Variants in PTCH1 observed in about 807,000 individuals in gnomAD.
PTCH1 encodes protein patched homolog 1.
In PTCH1, 14 loss-of-function variants were observed where a neutral mutation model predicts 144.6. The observed-to-expected ratio is 0.10, with a 90% CI of 0.06 to 0.15. The LOEUF (loss-of-function observed/expected upper bound fraction) is 0.15, where lower values mean the gene tolerates loss of function less well. PTCH1 is among the 10% of genes least tolerant of loss of function. The pLI, the probability that PTCH1 is intolerant of heterozygous loss-of-function variation, is 1.00. For missense variants in PTCH1, 1,623 were observed against 1,948.3 expected, an observed-to-expected ratio of 0.83 and a Z score of 3.14; for synonymous variants, 833 against 793.6, an observed-to-expected ratio of 1.05 and a Z score of -0.83.
rs138458710 is a variant in PTCH1 at position 95,458,051 on chromosome 9, C to A, written c.3130G>T (p.Ala1044Ser). 23 of 1,614,140 alleles carry A rather than the reference C, an allele frequency of 1.4e-5. No individual in the cohort carries two copies. Among genetic ancestry groups the A allele is most frequent in the Non-Finnish European group, 1.9e-5 (22 of 1,180,036 alleles). Residue 1044 changes from alanine to serine, a missense_variant, in exon 18 of 24, where the codon GCT becomes TCT. By Grantham distance (99) the Ala-to-Ser change is moderately conservative. Transcript: ENST00000331920. The surrounding 1 kb of genome is among the most constrained non-coding windows in gnomAD (Gnocchi z 4.7). ...GTCCAGGGGTTCAGAAGGAAGACAG[C>A]GCACACGAGGAATGTGCAGGCCAAC... is the stretch of plus-strand genomic sequence containing the variant. Reference protein sequence around the residue: ...VVLACTFLVCAVFLLNPWTAG... With the variant: ...VVLACTFLVCSVFLLNPWTAG...
At chr9:95,488,439 T>C (rs1842143397) in intron 2 of PTCH1, among the ~76,000 whole-genome samples, 1 of 152,240 alleles carries the variant, frequency 6.6e-6, no homozygotes. Flanking sequence ...TACTATTAAA[T>C]GCAATTCACT....
At chr9:95,480,722 A>G (rs1841473111) in intron 5 of PTCH1, 134 bp from the exon 6 acceptor site, 1 of 873,214 alleles carries the variant, frequency 1.1e-6, no homozygotes, top group Admixed American at 2.0e-5. Context: ...TCTGGCATCA[A>G]AACAAATGCT....
chr9:95,466,503 G>C (rs1004969787), intron 15 of PTCH1, among the ~76,000 whole-genome samples: 2 of 152,168 alleles, frequency 1.3e-5, no homozygotes, highest in Admixed American at 6.5e-5. Context: ...AGGTTCATCA[G>C]CTGTAACAAA....
intron 15 of PTCH1, 59 bp from the exon 16 acceptor site, chr9:95,462,057 T>C: frequency 2.5e-6 from 4 of 1,606,678 alleles, no homozygotes; most frequent in Admixed American, 1.7e-5. Context: ...ACCCTGGTCC[T>C]AGCGGGGTGG....
At chr9:95,513,755 TTAA>T (rs1299232825), upstream of PTCH1, among the ~76,000 whole-genome samples, 2 of 152,030 alleles carry the variant, frequency 1.3e-5, no homozygotes, top group Non-Finnish European at 2.9e-5. Context: ...GCTACAAAAT[TTAA>T]AACTACTGGG....
intron 2 of PTCH1, 154 bp downstream of exon 2, chr9:95,506,226 GCGGCCTTTGTCGGGCGGGCCTGGCTCC>G (rs1843615016): frequency 1.5e-6 from 1 of 652,480 alleles, no homozygotes; most frequent in Non-Finnish European, 2.5e-6. Flanking sequence ...AGATTACAGC[GCGGCCTTTGTCGGGCGGGCCTGGCTCC>G]CGGCCAGGCG....
chr9:95,470,939 T>A (rs1370371196), intron 12 of PTCH1, among the ~76,000 whole-genome samples: 1 of 151,980 alleles, frequency 6.6e-6, no homozygotes, highest in Non-Finnish European at 1.5e-5. Flanking sequence ...AAAAATTAGT[T>A]GAGTGTGGTG....
rs1238056052 is a variant in PTCH1 at position 95,445,061 on chromosome 9, C to T, written c.*1332G>A. On this transcript the variant is annotated 3_prime_UTR_variant, in exon 24 of 24. Transcript: ENST00000331920. Reference sequence around the variant, plus strand: ...CCTAAACACTGGTGCATGAAGAATCCCCCCGGAGCTCTTATCCTACATAAT... The same window carrying T: ...CCTAAACACTGGTGCATGAAGAATCTCCCCGGAGCTCTTATCCTACATAAT... 6.6e-6 allele frequency: 1 copy of T among 152,098 alleles called. No homozygotes were observed. Among genetic ancestry groups the T allele is most frequent in the Non-Finnish European group, 1.5e-5 (1 of 68,044 alleles). The allele number at this position is 152,098 out of a possible 1,614,324, so 9.4% of individuals were successfully genotyped here. A position where few individuals can be genotyped will look rare whatever the true frequency, so the allele number is the denominator to read the frequency against.
At chr9:95,469,314 T>C in intron 13 of PTCH1, 161 bp from the exon 14 acceptor site, 1 of 985,952 alleles carries the variant, frequency 1.0e-6, no homozygotes, top group African/African-American at 1.6e-5. Flanking sequence ...GCCTGGTTGA[T>C]AACATCACCT....
At position 95,508,310 on chromosome 9, in the gene PTCH1, TGCCGCC is replaced by T. The variant is rs756897237; in HGVS notation, c.46_51del (p.Gly16_Gly17del). ...CGTCCCGGGGCACCGATACAGCCGC[TGCCGCC>T]GCCGCCGCGGTCCTGGGGCTCGGCG... On this transcript the variant is annotated inframe_deletion, in exon 1 of 24. Transcript: ENST00000331920. 26 of 1,399,318 alleles carry T rather than the reference TGCCGCC, an allele frequency of 1.9e-5. No individual in the cohort carries two copies. The highest frequency in any genetic ancestry group is 2.2e-5 in the Non-Finnish European group (24 of 1,083,260). 86.7% of individuals were successfully genotyped at this position (1,399,318 alleles called of 1,614,324 possible).
intron 2 of PTCH1, among the ~76,000 whole-genome samples, chr9:95,488,250 T>A (rs150585244): frequency 6.6e-6 from 1 of 152,336 alleles, no homozygotes; most frequent in East Asian, 1.9e-4. Context: ...AATAAAGGTA[T>A]AGATTTGTCC....
intron 1 of PTCH1, 40 bp downstream of exon 1, chr9:95,508,118 AGAG>A (rs1359942064): frequency 1.9e-6 from 3 of 1,608,176 alleles, no homozygotes; most frequent in Non-Finnish European, 2.5e-6. Flanking sequence ...CCAAAGAGTT[AGAG>A]GAGGGAAGAG....
intron 3 of PTCH1, 78 bp downstream of exon 3, chr9:95,485,602 CTAAAA>C: frequency 6.5e-7 from 1 of 1,542,800 alleles, no homozygotes; most frequent in South Asian, 1.1e-5. Context: ...ACTTCATTTA[CTAAAA>C]TAACGGGGCC....
chr9:95,453,382 G>C (rs889793436), intron 20 of PTCH1, 96 bp downstream of exon 20: 1 of 1,569,188 alleles, frequency 6.4e-7, no homozygotes, highest in Non-Finnish European at 8.7e-7. Context: ...CACCCGCCTC[G>C]GCCTCCTAAA....
Position 95,506,411 on chromosome 9 carries a change from C to A in PTCH1, c.390G>T (p.Val130=). The A allele has an allele frequency of 6.2e-7, 1 of 1,611,232 alleles. No homozygotes were observed. The highest frequency in any genetic ancestry group is 8.5e-7 in the Non-Finnish European group (1 of 1,179,294). Residue 130 remains valine, a synonymous_variant, in exon 2 of 24, where the codon GTG becomes GTT. Coordinates refer to ENST00000331920, the MANE Select transcript of PTCH1 (RefSeq NM_000264.5). The part of the protein sequence containing the change: ...NLETNVEELW[V]EVGGRVSREL... Reference sequence around the variant, plus strand: ...CGCCGCGGCGGGCGCTCTTACCTTCCACCCACAGCTCCTCCACGTTGGTCT... The same window carrying A: ...CGCCGCGGCGGGCGCTCTTACCTTCAACCCACAGCTCCTCCACGTTGGTCT...
intron 2 of PTCH1, among the ~76,000 whole-genome samples, chr9:95,500,670 T>C (rs1843087252): frequency 6.6e-6 from 1 of 152,104 alleles, no homozygotes; most frequent in South Asian, 2.1e-4. Context: ...CAAGGGCTCC[T>C]GGGGGGACAA....
At chr9:95,497,816 T>C (rs139801384) in intron 2 of PTCH1, among the ~76,000 whole-genome samples, 29 of 152,330 alleles carry the variant, frequency 1.9e-4, no homozygotes, top group African/African-American at 6.7e-4. Flanking sequence ...CTGGGTTTTG[T>C]AGTTTCAAAT....
intron 2 of PTCH1, among the ~76,000 whole-genome samples, chr9:95,492,236 G>C (rs1455263730): frequency 6.6e-6 from 1 of 152,214 alleles, no homozygotes; most frequent in African/African-American, 2.4e-5. Flanking sequence ...AGCCACTGAT[G>C]CAGGTATCTG....
Position 95,447,035 on chromosome 9 carries a change from G to A in PTCH1, c.4221C>T (p.Gly1407=), listed in dbSNP as rs767937399. The A allele has an allele frequency of 1.2e-6, 2 of 1,614,186 alleles. No individual in the cohort carries two copies. Among genetic ancestry groups the A allele is most frequent in the Non-Finnish European group, 1.7e-6 (2 of 1,180,034 alleles). Residue 1407 remains glycine, a synonymous_variant, in exon 23 of 24, where the codon GGC becomes GGT. Coordinates refer to ENST00000331920, the MANE Select transcript of PTCH1 (RefSeq NM_000264.5). ...LCPGYPETDH[G]LFEDPHVPFH... ...AAGGCACGTGGGGGTCCTCAAACAG[G>A]CCGTGGTCAGTCTCAGGGTAGCCTG... is the stretch of plus-strand genomic sequence containing the variant.
Sources: gnomAD v4.1 joint callset for allele counts (sites outside exome capture counted in the v4.1 genomes callset) on GRCh38, gnomAD v4.1.1 for gene constraint, Gnocchi (gnomAD v3.1) non-coding constraint, MANE v1.5 for transcripts, NCBI Gene and HGNC (gene_info 2026-07-23, HGNC 2026-07-21) for gene names.